The following WNK1 variants were observed in gnomAD, a reference collection of about 807,000 sequenced individuals.
WNK1 encodes serine/threonine-protein kinase WNK1.
Under a neutral mutation model 222.8 loss-of-function variants are expected in WNK1, and 38 were observed. The observed-to-expected ratio is 0.17, with a 90% CI of 0.13 to 0.22. WNK1 has a LOEUF of 0.22. Among genes scored for constraint, WNK1 ranks in the 10% least tolerant of loss-of-function variants. The pLI is 1.00. For synonymous variants in WNK1, 1,090 were observed against 1,092.9 expected (o/e 1.00, Z 0.05); for missense variants, 2,348 against 2,918.4 (o/e 0.80, Z 4.50).
intron 1 of WNK1, among the ~76,000 whole-genome samples, chr12:806,664 TG>T (rs1238848875): frequency 2.0e-5 from 3 of 152,146 alleles, no homozygotes; most frequent in Admixed American, 1.3e-4. Flanking sequence ...AAATGAGATA[TG>T]GGGAATCATG....
Position 896,487 on chromosome 12 carries a change from A to C in WNK1, c.6000A>C (p.Glu2000Asp), listed in dbSNP as rs1018499472. Residue 2000 changes from glutamate to aspartate, a missense_variant, in exon 24 of 28, where the codon GAA becomes GAC. Coordinates refer to ENST00000315939, the MANE Select transcript of WNK1 (RefSeq NM_018979.4). The stretch of plus-strand genomic sequence containing the variant: ...TGATACCAAAGAAAGAGAAGCCTGA[A>C]CTGTCAGAGCCTTCACATCTAAATG... ...PAVIPKKEKPELSEPSHLNGP... is the reference protein window; with the variant it reads ...PAVIPKKEKPDLSEPSHLNGP... The C allele has an allele frequency of 1.9e-6, 3 of 1,613,836 alleles. No individual in the cohort carries two copies. The highest frequency in any genetic ancestry group is 1.7e-5 in the Admixed American group (1 of 59,984).
At chr12:837,567 C>T (rs1481139802) in intron 4 of WNK1, among the ~76,000 whole-genome samples, 4 of 126,554 alleles carry the variant, frequency 3.2e-5, no homozygotes, top group African/African-American at 1.1e-4. Flanking sequence ...GAGTGAGACC[C>T]TGTCTAAAAA....
intron 4 of WNK1, among the ~76,000 whole-genome samples, chr12:839,108 T>C (rs2154038385): frequency 6.6e-6 from 1 of 152,092 alleles, no homozygotes; most frequent in African/African-American, 2.4e-5. Context: ...CATGTAAGAG[T>C]GGTACCTAAT....
intron 4 of WNK1, among the ~76,000 whole-genome samples, chr12:853,004 G>A (rs929273447): frequency 2.0e-5 from 3 of 152,096 alleles, no homozygotes; most frequent in African/African-American, 7.2e-5. Context: ...GTTGCTGACT[G>A]GTAAAATTCC....
intron 26 of WNK1, 37 bp from the exon 27 acceptor site, chr12:907,810 G>T: frequency 6.2e-7 from 1 of 1,611,366 alleles, no homozygotes; most frequent in Non-Finnish European, 8.5e-7. Context: ...TGTAACCTAG[G>T]CTTCTTTTAA....
chr12:805,337 T>G (rs1773544457), intron 1 of WNK1, among the ~76,000 whole-genome samples: 1 of 152,180 alleles, frequency 6.6e-6, no homozygotes, highest in South Asian at 2.1e-4. Context: ...ATAGCCATCC[T>G]GATTGGTGTG....
chr12:867,491 G>A (rs1951773294), intron 8 of WNK1, among the ~76,000 whole-genome samples: 1 of 152,178 alleles, frequency 6.6e-6, no homozygotes, highest in Admixed American at 6.5e-5. Flanking sequence ...CCTTGTTTTA[G>A]TTCTTACTCT....
chr12:882,064 A>C lies in WNK1; in HGVS notation c.3363A>C (p.Arg1121Ser), dbSNP rs1953213759. ...AAAAAACTTCACGCCCAAAATTAAG[A>C]ATTTTGAATGTAAGTATTCCTAATT... ...RHEKTSRPKL[R>S]ILNVSNKGDR... Residue 1121 changes from arginine (R) to serine (S), a missense_variant, in exon 14 of 28, where the codon AGA (arginine) becomes AGC (serine). Around this residue, in one of 13 missense-constraint regions of WNK1, gnomAD observed 20 missense variants for 65.0 expected, o/e 0.31. Transcript: ENST00000315939. 1 of 1,611,684 alleles carries C rather than the reference A, an allele frequency of 6.2e-7. No individual in the cohort carries two copies. Among genetic ancestry groups the C allele is most frequent in the South Asian group, 1.1e-5 (1 of 90,766 alleles).
At chr12:845,256 A>G (rs34125097) in intron 4 of WNK1, among the ~76,000 whole-genome samples, 4,855 of 152,234 alleles carry the variant, frequency 0.032, 153 homozygotes, top group Non-Finnish European at 0.038. Context: ...AACTAATTTT[A>G]AAATATGTTA....
rs115347044 is a variant in WNK1 at position 768,176 on chromosome 12, C to G, written c.759+13852C>G. Among the ~76,000 whole-genome samples, 386 of 152,306 alleles carry G rather than the reference C, an allele frequency of 2.5e-3. 1 individual carries two copies. The highest frequency in any genetic ancestry group is 8.7e-3 in the African/African-American group (361 of 41,574). On this transcript the variant is annotated intron_variant, in intron 1 of 27. Coordinates refer to ENST00000315939, the MANE Select transcript of WNK1 (RefSeq NM_018979.4). ...GGCAGAGTCTCTCTCTGTCCAGGCCCAGGCTGTAGTGCAGTAGAGAGATAT... is the reference window on the plus strand; with the variant it reads ...GGCAGAGTCTCTCTCTGTCCAGGCCGAGGCTGTAGTGCAGTAGAGAGATAT...
intron 20 of WNK1, among the ~76,000 whole-genome samples, chr12:888,010 G>A (rs1303140654): frequency 2.0e-5 from 3 of 152,106 alleles, no homozygotes; most frequent in Admixed American, 6.6e-5. Flanking sequence ...CTTTCCCACC[G>A]CAGTCCACCG....
intron 23 of WNK1, among the ~76,000 whole-genome samples, chr12:895,489 C>T (rs1280213770): frequency 6.6e-6 from 1 of 152,038 alleles, no homozygotes; most frequent in Non-Finnish European, 1.5e-5. Flanking sequence ...GACGGAGTCT[C>T]ACTCTGTCAC....
chr12:882,117 T>C, intron 14 of WNK1, 44 bp downstream of exon 14: 1 of 1,561,454 alleles, frequency 6.4e-7, no homozygotes, highest in East Asian at 2.3e-5. Context: ...TAAAGGAATT[T>C]GACACTGAAA....
chr12:768,158 T>C (rs936453221), intron 1 of WNK1, among the ~76,000 whole-genome samples: 3 of 151,938 alleles, frequency 2.0e-5, no homozygotes, highest in African/African-American at 7.3e-5. Flanking sequence ...TGAGGCAGAG[T>C]CTCTCTCTGT....
At chr12:894,075 G>A (rs1420908501) in intron 22 of WNK1, among the ~76,000 whole-genome samples, 4 of 151,690 alleles carry the variant, frequency 2.6e-5, no homozygotes, top group East Asian at 3.9e-4. Context: ...AAAATTAGCC[G>A]GGTGTGGTGG....
intron 10 of WNK1, 89 bp from the exon 11 acceptor site, chr12:879,484 A>G (rs956594978): frequency 1.6e-5 from 13 of 788,296 alleles, no homozygotes; most frequent in Non-Finnish European, 2.4e-5. Flanking sequence ...TTTTTGGCTA[A>G]TACATAAATC....
rs553109352 is a variant in WNK1 at position 791,531 on chromosome 12, G to A, written c.760-22111G>A. The stretch of plus-strand genomic sequence containing the variant: ...TTCTAGGTTTCAGCTTATACTTGAC[G>A]CAAGAGGTTCTTTGAGAGAGCTTCT... On this transcript the variant is annotated intron_variant, in intron 1 of 27. Transcript: ENST00000315939. Among the ~76,000 whole-genome samples the A allele has an allele frequency of 6.7e-5, 10 of 150,174 alleles. No individual in the cohort carries two copies. In the South Asian group the frequency reaches 1.9e-3, roughly 29 times the overall value.
rs11064549 is a variant in WNK1 at position 819,443 on chromosome 12, A to C, written c.932+5629A>C. ...TAAGCCTCCCAAATCTGAACTCCAAAATGTTCAAATGAGCATTTTTGTTGT... is the reference window on the plus strand; with the variant it reads ...TAAGCCTCCCAAATCTGAACTCCAACATGTTCAAATGAGCATTTTTGTTGT... On this transcript the variant is annotated intron_variant, in intron 2 of 27. Transcript: ENST00000315939. Among the ~76,000 whole-genome samples, 468 of 152,240 alleles carry C rather than the reference A, an allele frequency of 3.1e-3. 15 individuals are homozygous for C. In the East Asian group the frequency reaches 0.075, roughly 24 times the overall value.
rs889619402 is a variant in WNK1 at position 876,002 on chromosome 12, T to C, written c.2224-2210T>C. ...CAGGTGGGAAATTAACAAATTTGTCTTATATTCAGAGCACCTTTAGAATTG... is the reference window on the plus strand; with the variant it reads ...CAGGTGGGAAATTAACAAATTTGTCCTATATTCAGAGCACCTTTAGAATTG... On this transcript the variant is annotated intron_variant, in intron 9 of 27. Transcript: ENST00000315939. Among the ~76,000 whole-genome samples the C allele has an allele frequency of 9.8e-5, 15 of 152,376 alleles. No homozygotes were observed. In the South Asian group the frequency reaches 3.1e-3, roughly 32 times the overall value.
Sources: gnomAD v4.1 joint callset for allele counts (sites outside exome capture counted in the v4.1 genomes callset) on GRCh38, gnomAD v4.1.1 for gene constraint, gnomAD v4.1.1 regional missense constraint, MANE v1.5 for transcripts, NCBI Gene and HGNC (gene_info 2026-07-23, HGNC 2026-07-21) for gene names.